Variants in ZNF107 observed in about 807,000 individuals in gnomAD.
ZNF107 encodes the protein C2H2 type zinc-finger protein.
In ZNF107, 19 loss-of-function variants were observed where a neutral mutation model predicts 12.3. The observed-to-expected ratio is 1.55, with a 90% CI of 1.08 to 2.27. ZNF107 has a LOEUF of 2.27. ZNF107 is among the 30% of genes most tolerant of loss of function. The pLI, the probability that ZNF107 is intolerant of heterozygous loss-of-function variation, is 0.00. For synonymous variants in ZNF107, 317 were observed against 330.5 expected (o/e 0.96, Z 0.44); for missense variants, 958 against 979.9 (o/e 0.98, Z 0.30).
intron 1 of ZNF107, among the ~76,000 whole-genome samples, chr7:64,675,045 A>G (rs1402674579): frequency 6.6e-6 from 1 of 152,206 alleles, no homozygotes; most frequent in Non-Finnish European, 1.5e-5. Context: ...ATGGTCATCA[A>G]AGATATTGAC....
chr7:64,691,869 T>C lies in ZNF107; in HGVS notation c.135T>C (p.Ile45=). 2 of 1,440,280 alleles carry C rather than the reference T, an allele frequency of 1.4e-6. No individual in the cohort carries two copies. The highest frequency in any genetic ancestry group is 9.1e-7 in the Non-Finnish European group (1 of 1,099,036). 89.2% of individuals were successfully genotyped at this position (1,440,280 alleles called of 1,614,324 possible). ...TATTTATTTTCAATAAAACAGGTAT[T>C]GCTGTCTCTAAGCCATATCTGATCA... is the stretch of plus-strand genomic sequence containing the variant. The part of the protein sequence containing the change: ...ENYRNLVFLG[I]AVSKPYLITC... The change falls in exon 3 of 4, where the codon ATT becomes ATC. Residue 45 remains isoleucine (I), a synonymous_variant. Transcript: ENST00000620827.
At chr7:64,684,260 C>T (rs990634510) in intron 1 of ZNF107, among the ~76,000 whole-genome samples, 30 of 152,300 alleles carry the variant, frequency 2.0e-4, no homozygotes, top group Middle Eastern at 3.4e-3. Context: ...GGCCCAACCT[C>T]ATCCCAGACA....
At chr7:64,705,589 A>G (rs1292285458) in intron 3 of ZNF107, among the ~76,000 whole-genome samples, 1 of 152,134 alleles carries the variant, frequency 6.6e-6, no homozygotes, top group Middle Eastern at 3.2e-3. Flanking sequence ...CACAATCTTT[A>G]TAATGTAGCT....
At chr7:64,694,695 G>A (rs778471895) in intron 3 of ZNF107, among the ~76,000 whole-genome samples, 1 of 151,686 alleles carries the variant, frequency 6.6e-6, no homozygotes, top group Non-Finnish European at 1.5e-5. Flanking sequence ...TTTTGGTCAG[G>A]GATGGCTGAT....
chr7:64,693,772 A>C, intron 3 of ZNF107, among the ~76,000 whole-genome samples: 1 of 152,100 alleles, frequency 6.6e-6, no homozygotes, highest in South Asian at 2.1e-4. Flanking sequence ...GGATTTTTCC[A>C]GGTCACTGTG....
intron 3 of ZNF107, among the ~76,000 whole-genome samples, chr7:64,701,871 T>G (rs1274736017): frequency 6.6e-6 from 1 of 152,138 alleles, no homozygotes; most frequent in Non-Finnish European, 1.5e-5. Context: ...TCAGCCCACC[T>G]TGGCCTCCCA....
chr7:64,684,891 ACT>A (rs1789839848), intron 1 of ZNF107, among the ~76,000 whole-genome samples: 1 of 151,100 alleles, frequency 6.6e-6, no homozygotes, highest in Non-Finnish European at 1.5e-5. Context: ...CTCTCAACCC[ACT>A]CTCTGTTAAA....
chr7:64,692,005 G>T lies in ZNF107; in HGVS notation c.226+45G>T, dbSNP rs377365739. On this transcript the variant is annotated intron_variant, in intron 3 of 3. Transcript: ENST00000620827. ...AATACAACAGATGACAAAGATGAAA[G>T]GTCAAAGGTCAAAGAAAAAGCCAGT... 5 of 1,261,568 alleles carry T rather than the reference G, an allele frequency of 4.0e-6. No individual in the cohort carries two copies. The African/African-American group carries it at 6.3e-5, about 16-fold the overall frequency. The allele number at this position is 1,261,568 out of a possible 1,614,324, so 78.1% of individuals were successfully genotyped here.
chr7:64,692,942 A>G (rs1790163945), intron 3 of ZNF107, among the ~76,000 whole-genome samples: 1 of 151,920 alleles, frequency 6.6e-6, no homozygotes, highest in South Asian at 2.1e-4. Context: ...ATGATCTGCA[A>G]CCAGCAACTT....
chr7:64,700,916 C>G (rs1790456479), intron 3 of ZNF107, among the ~76,000 whole-genome samples: 1 of 152,082 alleles, frequency 6.6e-6, no homozygotes. Context: ...ATAATGTTTT[C>G]TAAGTTTGCT....
chr7:64,693,797 GT>G (rs879371260), intron 3 of ZNF107, among the ~76,000 whole-genome samples: 1 of 151,426 alleles, frequency 6.6e-6, no homozygotes, highest in Admixed American at 6.6e-5. Flanking sequence ...TTTTTTGTTT[GT>G]TTTTTTTGAG....
intron 3 of ZNF107, among the ~76,000 whole-genome samples, chr7:64,698,886 C>CTT (rs1286562639): frequency 6.6e-6 from 1 of 152,068 alleles, no homozygotes; most frequent in Non-Finnish European, 1.5e-5. Flanking sequence ...AATGATCCAA[C>CTT]TTTATTTCAT....
chr7:64,691,367 C>CT lies in ZNF107; in HGVS notation c.128dup (p.Leu43PhefsTer7). 1.3e-6 allele frequency: 2 copies of CT among 1,483,544 alleles called. No individual in the cohort carries two copies. The highest frequency in any genetic ancestry group is 1.8e-6 in the Non-Finnish European group (2 of 1,117,772). The allele number at this position is 1,483,544 out of a possible 1,614,324, so 91.9% of individuals were successfully genotyped here. ...TGTTAGAGAACTACAGAAACCTGGT[C>CT]TTTTTGGGTGAGGATAACTTCAATA... On this transcript the variant is annotated frameshift_variant, in exon 2 of 4. Transcript: ENST00000620827. LOFTEE classifies it high-confidence loss of function.
rs146227269 is a variant in ZNF107, at chr7:64,709,032, G to A, written c.*376G>A. 8.5e-4 allele frequency: 377 copies of A among 442,606 alleles called. 3 individuals carry two copies. The highest frequency in any genetic ancestry group is 6.6e-3 in the African/African-American group (325 of 49,096). The allele number at this position is 442,606 out of a possible 1,614,324, so 27.4% of individuals were successfully genotyped here. A position where few individuals can be genotyped will look rare whatever the true frequency, so the allele number is the denominator to read the frequency against. On this transcript the variant is annotated 3_prime_UTR_variant, in exon 4 of 4. Coordinates refer to ENST00000620827, the MANE Select transcript of ZNF107 (RefSeq NM_001282359.2). ...TTCTACACATAAGATAATTTATACT[G>A]GAGAGGAACTCTATAGTTGTGAAGA...
Position 64,708,582 on chromosome 7 carries a change from T to A in ZNF107, c.2485T>A (p.Ser829Thr), listed in dbSNP as rs762264020. ...AGATTATGGCAGAGCTTTCAACCTA[T>A]CCTCAAATCTTACTACACATAAGAA... Reference protein sequence around the residue: ...CGDYGRAFNLSSNLTTHKKIH... With the variant: ...CGDYGRAFNLTSNLTTHKKIH... The change falls in exon 4 of 4, where the codon TCC becomes ACC. Residue 829 changes from serine (S) to threonine (T), a missense_variant. By Grantham distance (58) the Ser-to-Thr change is moderately conservative. Coordinates refer to ENST00000620827, the MANE Select transcript of ZNF107 (RefSeq NM_001282359.2). 6.2e-7 allele frequency: 1 copy of A among 1,612,166 alleles called. No homozygotes were observed. Among genetic ancestry groups the A allele is most frequent in the South Asian group, 1.1e-5 (1 of 90,842 alleles).
chr7:64,676,470 T>C (rs892387800), intron 1 of ZNF107, among the ~76,000 whole-genome samples: 3 of 152,202 alleles, frequency 2.0e-5, no homozygotes. Context: ...CTGTGGGGTG[T>C]TGTAGTCTCC....
At chr7:64,684,289 A>G (rs1292504285) in intron 1 of ZNF107, among the ~76,000 whole-genome samples, 1 of 152,180 alleles carries the variant, frequency 6.6e-6, no homozygotes, top group Non-Finnish European at 1.5e-5. Context: ...CCAACAGGCT[A>G]GGAATGAAAT....
At chr7:64,670,402 G>C (rs12667134) in intron 1 of ZNF107, among the ~76,000 whole-genome samples, 7,285 of 152,102 alleles carry the variant, frequency 0.048, 465 homozygotes, top group African/African-American at 0.14. Context: ...CAAGTCTTTA[G>C]GAGGGACAAA....
chr7:64,699,131 G>A (rs1790387941), intron 3 of ZNF107, among the ~76,000 whole-genome samples: 1 of 151,264 alleles, frequency 6.6e-6, no homozygotes, highest in Non-Finnish European at 1.5e-5. Flanking sequence ...TTTTTTCCAT[G>A]GGTGTTATAG....
Sources: allele counts gnomAD v4.1 joint callset (sites outside exome capture counted in the v4.1 genomes callset), GRCh38; gene constraint gnomAD v4.1.1; transcripts MANE v1.5; gene names NCBI Gene and HGNC (gene_info 2026-07-23, HGNC 2026-07-21).